FAM174A: variants seen among roughly 807,000 people sequenced by gnomAD.
FAM174A encodes the protein family with sequence similarity 174 member A, also known as membrane protein FAM174A.
In FAM174A, 14 loss-of-function variants were observed where a neutral mutation model predicts 14.3. That is an observed-to-expected ratio of 0.98 (90% CI 0.65 to 1.53). The LOEUF (loss-of-function observed/expected upper bound fraction) is 1.53. Among genes scored for constraint, FAM174A ranks in the 40% most tolerant of loss-of-function variants. The pLI, the probability that FAM174A is intolerant of heterozygous loss-of-function variation, is 0.00. For synonymous variants in FAM174A, 108 were observed against 111.4 expected (o/e 0.97, Z 0.19); for missense variants, 241 against 249.6 (o/e 0.97, Z 0.23).
In FAM174A at chr5:100,573,737, T is replaced by C. The variant is rs530301739; in HGVS notation, c.569+11549T>C. On this transcript the variant is annotated intron_variant, in intron 2 of 2. Transcript: ENST00000312637. ...CTGGAAAAAACTACTTTAAAGTTCA[T>C]ATGGAACCAAAAAAGAGCCCACATC... 7.2e-3 allele frequency among the ~76,000 whole-genome samples: 1,082 copies of C among 150,502 alleles called. 16 individuals carry two copies. The highest frequency in any genetic ancestry group is 0.024 in the African/African-American group (956 of 40,218).
At chr5:100,548,375 C>T (rs1178805464) in intron 1 of FAM174A, among the ~76,000 whole-genome samples, 1 of 151,968 alleles carries the variant, frequency 6.6e-6, no homozygotes, top group Non-Finnish European at 1.5e-5. Flanking sequence ...CATAATTGTA[C>T]TTGTTAATGC....
chr5:100,546,530 A>G (rs1746167541), intron 1 of FAM174A, among the ~76,000 whole-genome samples: 1 of 152,220 alleles, frequency 6.6e-6, no homozygotes, highest in Non-Finnish European at 1.5e-5. Flanking sequence ...CATCTCTTCT[A>G]CATTATTCAG....
At position 100,535,956 on chromosome 5, in the gene FAM174A, G is replaced by A. The variant is rs2112359163; in HGVS notation, c.426G>A (p.Arg142=). Residue 142 remains arginine, a synonymous_variant, in exon 1 of 3, where the codon AGG becomes AGA. Transcript: ENST00000312637. The part of the protein sequence containing the change: ...SGAVLVYFVV[R]TVRMRRRNRK... The stretch of plus-strand genomic sequence containing the variant: ...CGGTGCTGGTGTACTTCGTGGTCAG[G>A]ACGGTCAGGTGAGGCAAAGCCTCGG... 1 of 1,582,556 alleles carries A rather than the reference G, an allele frequency of 6.3e-7. No individual in the cohort carries two copies. The highest frequency in any genetic ancestry group is 1.3e-5 in the African/African-American group (1 of 74,454).
chr5:100,580,849 G>A lies in FAM174A; in HGVS notation c.570-5332G>A, dbSNP rs117633317. 1.6e-4 allele frequency among the ~76,000 whole-genome samples: 24 copies of A among 152,258 alleles called. No homozygotes were observed. In the East Asian group the frequency reaches 2.9e-3, roughly 18 times the overall value. On this transcript the variant is annotated intron_variant, in intron 2 of 2. Transcript: ENST00000312637. Reference sequence around the variant, plus strand: ...TCCCTGCCATTCTTGCCAAAAGAGCGTCCTGTTAACAGACCCACTAAGATT... The same window carrying A: ...TCCCTGCCATTCTTGCCAAAAGAGCATCCTGTTAACAGACCCACTAAGATT...
intron 1 of FAM174A, among the ~76,000 whole-genome samples, chr5:100,542,403 C>G (rs1226160238): frequency 1.3e-5 from 2 of 152,238 alleles, no homozygotes; most frequent in African/African-American, 4.8e-5. Flanking sequence ...TCCCATGTCT[C>G]TCTTTTGCTT....
intron 2 of FAM174A, among the ~76,000 whole-genome samples, chr5:100,573,806 C>T (rs1483988799): frequency 6.6e-6 from 1 of 151,184 alleles, no homozygotes; most frequent in African/African-American, 2.4e-5. Context: ...GGAGGCATCA[C>T]ACTACCTGAC....
At chr5:100,584,342 C>CT (rs1251212005) in intron 2 of FAM174A, among the ~76,000 whole-genome samples, 5 of 151,992 alleles carry the variant, frequency 3.3e-5, no homozygotes, top group South Asian at 2.1e-4. Flanking sequence ...TCATTTGTGG[C>CT]TTTTTTTTCC....
chr5:100,571,090 C>A (rs1484833405), intron 2 of FAM174A, among the ~76,000 whole-genome samples: 1 of 151,272 alleles, frequency 6.6e-6, no homozygotes, highest in Admixed American at 6.6e-5. Flanking sequence ...CTAATGTTTT[C>A]TTAAAGTATT....
chr5:100,552,934 T>C (rs1398660685), intron 1 of FAM174A, among the ~76,000 whole-genome samples: 1 of 152,104 alleles, frequency 6.6e-6, no homozygotes, highest in Non-Finnish European at 1.5e-5. Flanking sequence ...TAGGCTTCCA[T>C]ACTTTCCTCT....
intron 2 of FAM174A, among the ~76,000 whole-genome samples, chr5:100,585,942 TACTC>T (rs1302934312): frequency 2.6e-5 from 4 of 152,220 alleles, no homozygotes; most frequent in Non-Finnish European, 5.9e-5. Context: ...ACCTAGTCTT[TACTC>T]ACAGTAGTTA....
intron 1 of FAM174A, among the ~76,000 whole-genome samples, chr5:100,541,616 A>C (rs1005943114): frequency 6.6e-6 from 1 of 151,998 alleles, no homozygotes; most frequent in African/African-American, 2.4e-5. Context: ...GAAATATTGA[A>C]GATATGGGAA....
intron 1 of FAM174A, among the ~76,000 whole-genome samples, chr5:100,545,988 G>A (rs1041165038): frequency 6.6e-6 from 1 of 152,138 alleles, no homozygotes; most frequent in Non-Finnish European, 1.5e-5. Flanking sequence ...CAACTCTGAG[G>A]TGAGTAGATA....
rs537885987 is a variant in FAM174A, at chr5:100,573,161, C to T, written c.569+10973C>T. 1.8e-4 allele frequency among the ~76,000 whole-genome samples: 27 copies of T among 152,132 alleles called. No individual in the cohort carries two copies. The East Asian group carries it at 5.0e-3, about 28-fold the overall frequency. On this transcript the variant is annotated intron_variant, in intron 2 of 2. Transcript: ENST00000312637. ...TAGATTCTGGATATTAGCCCTTTGTCAGTTGAGTAGGTTGCGAAAATTTTC... is the reference window on the plus strand; with the variant it reads ...TAGATTCTGGATATTAGCCCTTTGTTAGTTGAGTAGGTTGCGAAAATTTTC...
At chr5:100,561,939 A>C in intron 1 of FAM174A, 115 bp from the exon 2 acceptor site, 3 of 579,690 alleles carry the variant, frequency 5.2e-6, no homozygotes, top group Non-Finnish European at 8.0e-6. Context: ...TCTGAAATGT[A>C]ACCATTCTGA....
intron 1 of FAM174A, among the ~76,000 whole-genome samples, chr5:100,553,959 G>C (rs1304769623): frequency 6.6e-6 from 1 of 152,088 alleles, no homozygotes; most frequent in Non-Finnish European, 1.5e-5. Flanking sequence ...TGTTTGTTTT[G>C]AGACTAGCCA....
intron 1 of FAM174A, among the ~76,000 whole-genome samples, chr5:100,553,500 A>G (rs1746305485): frequency 6.6e-6 from 1 of 152,110 alleles, no homozygotes; most frequent in African/African-American, 2.4e-5. Flanking sequence ...TGGACTGAGC[A>G]AAGACATTTT....
At chr5:100,565,272 G>A (rs920091001) in intron 2 of FAM174A, among the ~76,000 whole-genome samples, 1 of 151,784 alleles carries the variant, frequency 6.6e-6, no homozygotes, top group African/African-American at 2.4e-5. Context: ...GATCATTTCA[G>A]TAGACACAGA....
intron 1 of FAM174A, among the ~76,000 whole-genome samples, chr5:100,560,977 C>T (rs187262444): frequency 1.3e-5 from 2 of 151,990 alleles, no homozygotes; most frequent in South Asian, 4.2e-4. Context: ...TGAAGAACAT[C>T]TTAATTGATA....
intron 1 of FAM174A, among the ~76,000 whole-genome samples, chr5:100,561,440 C>T (rs1279625022): frequency 1.3e-5 from 2 of 151,946 alleles, no homozygotes; most frequent in Non-Finnish European, 2.9e-5. Context: ...ACTGCAAGAA[C>T]CACTGATCTC....
Sources: gnomAD v4.1 joint callset for allele counts (sites outside exome capture counted in the v4.1 genomes callset) on GRCh38, gnomAD v4.1.1 for gene constraint, MANE v1.5 for transcripts, NCBI Gene and HGNC (gene_info 2026-07-23, HGNC 2026-07-21) for gene names.